Variants in EPS8L2 observed in about 807,000 individuals in gnomAD.
EPS8L2 encodes EPS8 signaling adaptor L2.
Under a neutral mutation model 99.4 loss-of-function variants are expected in EPS8L2, and 81 were observed. That is an observed-to-expected ratio of 0.82 (90% CI 0.68 to 0.98). The LOEUF (loss-of-function observed/expected upper bound fraction) is 0.98, where lower values mean the gene tolerates loss of function less well. Ranked by LOEUF, EPS8L2 falls within the 50% of genes least tolerant of loss-of-function variation. The pLI is 0.00. For synonymous variants in EPS8L2, 509 were observed against 407.3 expected (o/e 1.25, Z -3.01); for missense variants, 1,155 against 968.8 (o/e 1.19, Z -2.55).
chr11:709,345 T>C lies in EPS8L2; in HGVS notation c.-63T>C. 1 of 1,533,630 alleles carries C rather than the reference T, an allele frequency of 6.5e-7. No homozygotes were observed. The highest frequency in any genetic ancestry group is 8.8e-7 in the Non-Finnish European group (1 of 1,133,300). ...GTCCACCCAGGTGTGGGACAGGCAC[T>C]GGCCTCAGACCGGGGCCACACTGAG... On this transcript the variant is annotated 5_prime_UTR_variant, in exon 2 of 21. Coordinates refer to ENST00000318562, the MANE Select transcript of EPS8L2 (RefSeq NM_022772.4).
In EPS8L2 at chr11:721,287, T is replaced by C. The variant is rs1158036470; in HGVS notation, c.703T>C (p.Phe235Leu). ...GCAGCCGCCGTGTCCCCCATCAGGT[T>C]TCCGCCGTCGGGAGTCGCAGGAGGA... is the stretch of plus-strand genomic sequence containing the variant. The part of the protein sequence containing the change: ...GPQVPLSEPG[F>L]RRRESQEEPR... Residue 235 changes from phenylalanine (F) to leucine (L), a missense_variant and splice_region_variant, in exon 9 of 21, where the codon TTC (phenylalanine) becomes CTC (leucine). Coordinates refer to ENST00000318562, the MANE Select transcript of EPS8L2 (RefSeq NM_022772.4). 2 of 1,540,206 alleles carry C rather than the reference T, an allele frequency of 1.3e-6. No individual in the cohort carries two copies. Among genetic ancestry groups the C allele is most frequent in the Non-Finnish European group, 1.7e-6 (2 of 1,146,372 alleles).
Position 721,999 on chromosome 11 carries a change from C to G in EPS8L2, c.984+8C>G. ...CTGGCGATTAACTTGCTGGTGGGTCCGGTGGCCCCAGCCCTGCCCCACTGT... is the reference window on the plus strand; with the variant it reads ...CTGGCGATTAACTTGCTGGTGGGTCGGGTGGCCCCAGCCCTGCCCCACTGT... On this transcript the variant is annotated splice_region_variant and intron_variant, in intron 11 of 20. Coordinates refer to ENST00000318562, the MANE Select transcript of EPS8L2 (RefSeq NM_022772.4). 6.2e-7 allele frequency: 1 copy of G among 1,606,032 alleles called. No homozygotes were observed. Among genetic ancestry groups the G allele is most frequent in the African/African-American group, 1.3e-5 (1 of 74,832 alleles).
intron 7 of EPS8L2, 60 bp from the exon 8 acceptor site, chr11:720,985 GGGGAGGGGAGGAGCCCGGC>G: frequency 3.6e-6 from 5 of 1,371,644 alleles, no homozygotes; most frequent in Non-Finnish European, 4.9e-6. Context: ...GGAGCCGGCA[GGGGAGGGGAGGAGCCCGGC>G]AGGGAGGGAG....
chr11:726,162 A>C lies in EPS8L2; in HGVS notation c.1745A>C (p.Asn582Thr). ...THKLPPSFPG[N>T]KDELMQHMDE... ...AAGCTACCCCCAAGCTTCCCGGGGAACAAAGACGGTGAGAGCTGCTGCTTC... is the reference window on the plus strand; with the variant it reads ...AAGCTACCCCCAAGCTTCCCGGGGACCAAAGACGGTGAGAGCTGCTGCTTC... Residue 582 changes from asparagine to threonine, a missense_variant, in exon 18 of 21, where the codon AAC becomes ACC. Physicochemically the swap from Asn to Thr is moderately conservative, Grantham distance 65. Coordinates refer to ENST00000318562, the MANE Select transcript of EPS8L2 (RefSeq NM_022772.4). 1 of 1,607,102 alleles carries C rather than the reference A, an allele frequency of 6.2e-7. No homozygotes were observed. Among genetic ancestry groups the C allele is most frequent in the Non-Finnish European group, 8.5e-7 (1 of 1,177,044 alleles).
At chr11:725,617 G>T in intron 16 of EPS8L2, 111 bp from the exon 17 acceptor site, 1 of 1,045,140 alleles carries the variant, frequency 9.6e-7, no homozygotes, top group Non-Finnish European at 1.2e-6. Flanking sequence ...GGAGCGAAGC[G>T]GGGCTCCGGG....
At chr11:707,269 T>G (rs572637931) in intron 1 of EPS8L2, among the ~76,000 whole-genome samples, 2 of 152,104 alleles carry the variant, frequency 1.3e-5, no homozygotes, top group African/African-American at 4.8e-5. Context: ...AGCTTATCCC[T>G]TCCTCCCTCA....
intron 1 of EPS8L2, among the ~76,000 whole-genome samples, chr11:707,188 C>T (rs890619839): frequency 6.6e-6 from 1 of 152,108 alleles, no homozygotes; most frequent in East Asian, 1.9e-4. Flanking sequence ...GCACCCAGGC[C>T]TTGTTGGCAT....
Position 725,731 on chromosome 11 carries a change from C to A in EPS8L2, c.1564C>A (p.Leu522Met). The change falls in exon 17 of 21, where the codon CTG (leucine) becomes ATG (methionine). Residue 522 changes from leucine to methionine, a missense_variant. Coordinates refer to ENST00000318562, the MANE Select transcript of EPS8L2 (RefSeq NM_022772.4). ...GGGCTGACGGCGCGCCCCGCAGGTG[C>A]TGGAGGACGGCCGGCAGTGGTGGAA... Reference protein sequence around the residue: ...SVLKDEVLEVLEDGRQWWKLR... With the variant: ...SVLKDEVLEVMEDGRQWWKLR... The A allele has an allele frequency of 7.5e-7, 1 of 1,327,460 alleles. No individual in the cohort carries two copies. The highest frequency in any genetic ancestry group is 9.6e-7 in the Non-Finnish European group (1 of 1,040,698). 82.2% of individuals were successfully genotyped at this position (1,327,460 alleles called of 1,614,324 possible).
intron 5 of EPS8L2, among the ~76,000 whole-genome samples, 153 bp downstream of exon 5, chr11:720,376 G>A (rs1269260068): frequency 1.3e-5 from 2 of 152,206 alleles, no homozygotes; most frequent in Non-Finnish European, 2.9e-5. Context: ...AGGGTGGGCA[G>A]AGGGCCGCAT....
intron 4 of EPS8L2, among the ~76,000 whole-genome samples, chr11:713,176 CAGTG>C (rs1264855515): frequency 2.0e-5 from 3 of 152,200 alleles, no homozygotes; most frequent in African/African-American, 4.8e-5. Context: ...TTGGCCCTGA[CAGTG>C]GGTGGGGGGC....
At chr11:720,992 G>T in intron 7 of EPS8L2, 72 bp from the exon 8 acceptor site, 1 of 1,459,178 alleles carries the variant, frequency 6.9e-7, no homozygotes, top group Non-Finnish European at 9.2e-7. Flanking sequence ...GCAGGGGAGG[G>T]GAGGAGCCCG....
intron 4 of EPS8L2, among the ~76,000 whole-genome samples, chr11:718,453 T>C (rs987187463): frequency 7.0e-6 from 1 of 142,288 alleles, no homozygotes; most frequent in Non-Finnish European, 1.5e-5. Flanking sequence ...CATACAATTT[T>C]TTCTTTGAGT....
chr11:723,128 C>A (rs1862235070), intron 14 of EPS8L2, 113 bp from the exon 15 acceptor site: 4 of 640,342 alleles, frequency 6.2e-6, no homozygotes, highest in Non-Finnish European at 1.1e-5. Context: ...GGCTCCATCA[C>A]CCTCAGTGAT....
At chr11:721,429 G>A (rs1248535542) in intron 9 of EPS8L2, 77 bp downstream of exon 9, 16 of 1,500,952 alleles carry the variant, frequency 1.1e-5, no homozygotes, top group Admixed American at 2.3e-5. Context: ...CTGTCCCTCC[G>A]GCCAGTCCCC....
At chr11:708,198 G>A (rs952332181) in intron 1 of EPS8L2, among the ~76,000 whole-genome samples, 1 of 152,212 alleles carries the variant, frequency 6.6e-6, no homozygotes, top group Non-Finnish European at 1.5e-5. Context: ...CTGGCAGGAG[G>A]CAGATGGTGT....
intron 16 of EPS8L2, among the ~76,000 whole-genome samples, chr11:725,303 G>A (rs941667007): frequency 3.9e-5 from 6 of 152,350 alleles, no homozygotes; most frequent in South Asian, 2.1e-4. Context: ...TTTAGCCCAC[G>A]AGTTCGAGAC....
chr11:713,579 C>G (rs1048669984), intron 4 of EPS8L2, among the ~76,000 whole-genome samples: 35 of 152,214 alleles, frequency 2.3e-4, no homozygotes, highest in Admixed American at 1.4e-3. Flanking sequence ...GAGTCTCACC[C>G]TGTCACCTAG....
chr11:710,744 AAGAG>A (rs903412385), intron 4 of EPS8L2, among the ~76,000 whole-genome samples: 2 of 111,526 alleles, frequency 1.8e-5, no homozygotes, highest in Non-Finnish European at 3.5e-5. Flanking sequence ...CTCAAAACGA[AAGAG>A]AGAAAGAGAG....
chr11:717,879 G>T (rs1056907915), intron 4 of EPS8L2, among the ~76,000 whole-genome samples: 3 of 152,022 alleles, frequency 2.0e-5, no homozygotes, highest in East Asian at 3.9e-4. Flanking sequence ...CGTGGTGGCA[G>T]GCGCCTGTAG....
Sources: gnomAD v4.1 joint callset for allele counts (sites outside exome capture counted in the v4.1 genomes callset) on GRCh38, gnomAD v4.1.1 for gene constraint, MANE v1.5 for transcripts, NCBI Gene and HGNC (gene_info 2026-07-23, HGNC 2026-07-21) for gene names.